RRP12: variants seen among roughly 807,000 people sequenced by gnomAD.
RRP12 encodes RRP12-like protein.
In RRP12, 78 loss-of-function variants were observed where a neutral mutation model predicts 157.3. That is an observed-to-expected ratio of 0.50 (90% CI 0.41 to 0.60). The LOEUF is 0.60. RRP12 is among the 20% of genes least tolerant of loss of function. The pLI, the probability that RRP12 is intolerant of heterozygous loss-of-function variation, is 0.00. For synonymous variants in RRP12, 726 were observed against 670.9 expected (o/e 1.08, Z -1.27); for missense variants, 1,521 against 1,679.9 (o/e 0.91, Z 1.65).
intron 6 of RRP12, among the ~76,000 whole-genome samples, chr10:97,389,517 T>C (rs1564766993): frequency 6.6e-6 from 1 of 152,116 alleles, no homozygotes; most frequent in Non-Finnish European, 1.5e-5. Flanking sequence ...TGAGACCATC[T>C]GGGCTGACGG....
intron 8 of RRP12, among the ~76,000 whole-genome samples, chr10:97,386,795 C>T (rs1319252195): frequency 6.6e-6 from 1 of 152,132 alleles, no homozygotes; most frequent in Non-Finnish European, 1.5e-5. Context: ...TCGAGAGCAT[C>T]CTGGCTAACA....
At chr10:97,382,504 A>C (rs750778888) in intron 10 of RRP12, among the ~76,000 whole-genome samples, 22 of 152,220 alleles carry the variant, frequency 1.4e-4, no homozygotes, top group Non-Finnish European at 2.8e-4. Context: ...ACATTCATTT[A>C]AACCTTGTAA....
chr10:97,358,215 C>A (rs964823127), intron 33 of RRP12, among the ~76,000 whole-genome samples: 1 of 152,032 alleles, frequency 6.6e-6, no homozygotes, highest in Non-Finnish European at 1.5e-5. Context: ...CGCCTGTAGT[C>A]CTAGCTACTC....
At chr10:97,388,448 C>A (rs1844701462) in intron 7 of RRP12, 41 bp downstream of exon 7, 1 of 1,612,828 alleles carries the variant, frequency 6.2e-7, no homozygotes, top group Non-Finnish European at 8.5e-7. Context: ...CTCTGCCAGC[C>A]ACTGCCTCCC....
chr10:97,363,011 C>T (rs1843883504), intron 30 of RRP12, among the ~76,000 whole-genome samples: 1 of 152,156 alleles, frequency 6.6e-6, no homozygotes, highest in South Asian at 2.1e-4. Flanking sequence ...CTATTTATAA[C>T]CCCACTTTAC....
rs545202695 is a variant in RRP12 at position 97,365,846 on chromosome 10, AAC to A, written c.3517+260_3517+261del. 9.0e-6 allele frequency: 4 copies of A among 446,524 alleles called. No individual in the cohort carries two copies. The South Asian group carries it at 1.1e-4, about 12-fold the overall frequency. The allele number at this position is 446,524 out of a possible 1,614,324, so 27.7% of individuals were successfully genotyped here. Reference sequence around the variant, plus strand: ...GAGGAGGAGAAAAACAGAAGAGACTAACAGCGTATCACACACAGTAAGGGGAA... The same window carrying A: ...GAGGAGGAGAAAAACAGAAGAGACTAAGCGTATCACACACAGTAAGGGGAA... On this transcript the variant is annotated intron_variant, in intron 29 of 33. Transcript: ENST00000370992.
chr10:97,377,121 C>A (rs1844331168), intron 15 of RRP12, among the ~76,000 whole-genome samples: 1 of 151,572 alleles, frequency 6.6e-6, no homozygotes, highest in Non-Finnish European at 1.5e-5. Context: ...TTCAGGTGAT[C>A]CACCCACCTC....
chr10:97,397,918 AAAAAG>A (rs530846479), intron 2 of RRP12, among the ~76,000 whole-genome samples: 1,725 of 146,540 alleles, frequency 0.012, 46 homozygotes, highest in African/African-American at 0.041. Flanking sequence ...CTGTCTGAAA[AAAAAG>A]AAAAGAAAAG....
At chr10:97,386,993 A>C (rs907995368) in intron 8 of RRP12, among the ~76,000 whole-genome samples, 2 of 152,002 alleles carry the variant, frequency 1.3e-5, no homozygotes, top group Non-Finnish European at 2.9e-5. Context: ...CCATCACAAA[A>C]AAAAAAAGAG....
At chr10:97,367,514 G>C (rs1187361382) in intron 25 of RRP12, 1 of 239,598 alleles carries the variant, frequency 4.2e-6, no homozygotes. Context: ...TGGCCATAGA[G>C]GTGGGAGTTC....
intron 15 of RRP12, 61 bp from the exon 16 acceptor site, chr10:97,373,955 TACCAA>T (rs1844233830): frequency 6.7e-7 from 1 of 1,485,694 alleles, no homozygotes; most frequent in South Asian, 1.2e-5. Flanking sequence ...CAGCCTTATT[TACCAA>T]ACCAAACCAA....
At chr10:97,372,043 T>A in intron 20 of RRP12, 30 bp downstream of exon 20, 1 of 1,535,448 alleles carries the variant, frequency 6.5e-7, no homozygotes, top group Non-Finnish European at 9.0e-7. Context: ...CAAGCGTGGC[T>A]GTGTGGCGCT....
chr10:97,386,789 G>C (rs1341798027), intron 8 of RRP12, among the ~76,000 whole-genome samples: 4 of 152,186 alleles, frequency 2.6e-5, no homozygotes, highest in Admixed American at 1.3e-4. Context: ...AGGAGATCGA[G>C]AGCATCCTGG....
rs746014085 is a variant in RRP12 at position 97,366,952 on chromosome 10, C to G, written c.3048-43G>C. On this transcript the variant is annotated intron_variant, in intron 26 of 33. Coordinates refer to ENST00000370992, the MANE Select transcript of RRP12 (RefSeq NM_015179.4). ...GGGCTGGTGAGAGGCACTGGCCAGACAGCACGACCCAGATGTAGTGTCCCT... is the reference window on the plus strand; with the variant it reads ...GGGCTGGTGAGAGGCACTGGCCAGAGAGCACGACCCAGATGTAGTGTCCCT... 12 of 1,609,270 alleles carry G rather than the reference C, an allele frequency of 7.5e-6. No individual in the cohort carries two copies. In the African/African-American group the frequency reaches 1.2e-4, roughly 16 times the overall value.
intron 20 of RRP12, 101 bp from the exon 21 acceptor site, chr10:97,371,182 C>A: frequency 7.9e-7 from 1 of 1,261,528 alleles, no homozygotes; most frequent in South Asian, 1.4e-5. Flanking sequence ...AGCAGGGGTC[C>A]GTGGGGGCTC....
At chr10:97,371,181 C>T in intron 20 of RRP12, 100 bp from the exon 21 acceptor site, 1 of 1,269,700 alleles carries the variant, frequency 7.9e-7, no homozygotes, top group Non-Finnish European at 1.1e-6. Context: ...GAGCAGGGGT[C>T]CGTGGGGGCT....
intron 12 of RRP12, among the ~76,000 whole-genome samples, 199 bp from the exon 13 acceptor site, chr10:97,381,112 A>G (rs1230524969): frequency 6.6e-6 from 1 of 152,204 alleles, no homozygotes; most frequent in Non-Finnish European, 1.5e-5. Flanking sequence ...AGATAATGCT[A>G]GTGCTTAAAG....
chr10:97,400,954 G>A, intron 1 of RRP12, 139 bp downstream of exon 1: 2 of 1,059,596 alleles, frequency 1.9e-6, no homozygotes, highest in South Asian at 1.6e-5. Context: ...GCCCTTCAGA[G>A]AGGGCTCCAG....
In RRP12 at chr10:97,400,386, C is replaced by G. The variant is rs1329663573; in HGVS notation, c.288G>C (p.Leu96=). The change falls in exon 2 of 34, where the codon CTG becomes CTC. Residue 96 remains leucine, a synonymous_variant. Coordinates refer to ENST00000370992, the MANE Select transcript of RRP12 (RefSeq NM_015179.4). Reference sequence around the variant, plus strand: ...CGTTTGTGCAGTCGGAAAGGCCACTCAGGAAGGTACCCGAGGACTTCTCGG... The same window carrying G: ...CGTTTGTGCAGTCGGAAAGGCCACTGAGGAAGGTACCCGAGGACTTCTCGG... ...VLTEKSSGTF[L]SGLSDCTNVT... 2 of 1,613,900 alleles carry G rather than the reference C, an allele frequency of 1.2e-6. No homozygotes were observed. The highest frequency in any genetic ancestry group is 1.7e-6 in the Non-Finnish European group (2 of 1,180,014).
Sources: gnomAD v4.1 joint callset for allele counts (sites outside exome capture counted in the v4.1 genomes callset) on GRCh38, gnomAD v4.1.1 for gene constraint, MANE v1.5 for transcripts, NCBI Gene and HGNC (gene_info 2026-07-23, HGNC 2026-07-21) for gene names.